RBMS3: variants seen among roughly 807,000 people sequenced by gnomAD.
RBMS3 encodes the protein RNA-binding motif, single-stranded-interacting protein 3.
A neutral mutation model predicts 66.8 loss-of-function variants in RBMS3; 27 were observed. That is an observed-to-expected ratio of 0.40 (90% CI 0.30 to 0.56). The LOEUF (loss-of-function observed/expected upper bound fraction) is 0.56, where lower values mean the gene tolerates loss of function less well. Ranked by LOEUF, RBMS3 falls within the 20% of genes least tolerant of loss-of-function variation. RBMS3 has a pLI of 0.40. For synonymous variants in RBMS3, 188 were observed against 183.0 expected (o/e 1.03, Z -0.22); for missense variants, 513 against 549.5 (o/e 0.93, Z 0.66).
chr3:29,590,992 T>A lies in RBMS3; in HGVS notation c.399+3787T>A, dbSNP rs1409788632. 3.3e-5 allele frequency among the ~76,000 whole-genome samples: 5 copies of A among 152,270 alleles called. No individual in the cohort carries two copies. In the South Asian group the frequency reaches 8.3e-4, roughly 25 times the overall value. On this transcript the variant is annotated intron_variant, in intron 4 of 14. Transcript: ENST00000383767. Reference sequence around the variant, plus strand: ...GAGCAGTATGGCTGATTTTGTCCTTTTAAAGGTTTTTCCAGAATCTCAAAT... The same window carrying A: ...GAGCAGTATGGCTGATTTTGTCCTTATAAAGGTTTTTCCAGAATCTCAAAT...
Position 29,837,679 on chromosome 3 carries a change from TA to T in RBMS3, c.638-31178del, listed in dbSNP as rs972548833. Among the ~76,000 whole-genome samples the T allele has an allele frequency of 8.6e-5, 8 of 93,046 alleles. No individual in the cohort carries two copies. The Admixed American group carries it at 9.1e-4, about 11-fold the overall frequency. The allele number at this position is 93,046 out of a possible 152,430, so 61.0% of individuals were successfully genotyped here. ...TATAATGAACATATATATATATATA[TA>T]TATATATATATATATATATATATAT... is the stretch of plus-strand genomic sequence containing the variant. On this transcript the variant is annotated intron_variant, in intron 6 of 14. Coordinates refer to ENST00000383767, the MANE Select transcript of RBMS3 (RefSeq NM_001003793.3).
Position 29,888,632 on chromosome 3 carries a change from G to A in RBMS3, c.791+4424G>A, listed in dbSNP as rs531144716. On this transcript the variant is annotated intron_variant, in intron 8 of 14. Coordinates refer to ENST00000383767, the MANE Select transcript of RBMS3 (RefSeq NM_001003793.3). ...AATGACCTGTGGTTCTAGCTTACTA[G>A]GTACTGCTACTATGTCATTGTCCCA... Among the ~76,000 whole-genome samples the A allele has an allele frequency of 3.8e-4, 58 of 151,748 alleles. No homozygotes were observed. In the South Asian group the frequency reaches 0.012, roughly 32 times the overall value.
intron 5 of RBMS3, among the ~76,000 whole-genome samples, chr3:29,757,002 A>G (rs991754320): frequency 9.9e-5 from 15 of 152,054 alleles, no homozygotes; most frequent in African/African-American, 3.6e-4. Flanking sequence ...GGTTTGATTA[A>G]TTAAATCATT....
intron 6 of RBMS3, among the ~76,000 whole-genome samples, chr3:29,859,837 G>C (rs1016705920): frequency 1.3e-5 from 2 of 152,116 alleles, no homozygotes; most frequent in East Asian, 1.9e-4. Context: ...AAGCTTGCCA[G>C]CTCTATATCT....
intron 1 of RBMS3, among the ~76,000 whole-genome samples, chr3:29,349,163 A>AT (rs911875864): frequency 6.6e-6 from 1 of 151,982 alleles, no homozygotes; most frequent in African/African-American, 2.4e-5. Context: ...TTGATGATAG[A>AT]TTTTTCTCCA....
intron 2 of RBMS3, among the ~76,000 whole-genome samples, chr3:29,471,557 A>G (rs772844569): frequency 1.3e-5 from 2 of 152,166 alleles, no homozygotes; most frequent in African/African-American, 2.4e-5. Flanking sequence ...ACCACAACCT[A>G]TAATCCAATT....
intron 4 of RBMS3, among the ~76,000 whole-genome samples, chr3:29,626,626 T>C (rs2049070109): frequency 6.6e-6 from 1 of 152,102 alleles, no homozygotes; most frequent in Non-Finnish European, 1.5e-5. Flanking sequence ...AGCAATAAAA[T>C]GGGAATATAC....
At chr3:29,514,940 C>A (rs926826783) in intron 3 of RBMS3, among the ~76,000 whole-genome samples, 5 of 151,868 alleles carry the variant, frequency 3.3e-5, no homozygotes, top group African/African-American at 1.2e-4. Flanking sequence ...AGAGGCCCTT[C>A]GAGGTAGATG....
intron 4 of RBMS3, among the ~76,000 whole-genome samples, chr3:29,653,009 T>G (rs1576444935): frequency 2.0e-5 from 3 of 152,248 alleles, no homozygotes; most frequent in South Asian, 4.1e-4. Context: ...ATAGTCAAAT[T>G]CCAAATAAGC....
chr3:29,475,430 C>T (rs559568261), intron 2 of RBMS3, among the ~76,000 whole-genome samples: 4 of 151,780 alleles, frequency 2.6e-5, no homozygotes, highest in Non-Finnish European at 4.4e-5. Context: ...TTGTAGTTTT[C>T]GTAGGGATGG....
At chr3:29,333,768 T>C (rs1239000540) in intron 1 of RBMS3, among the ~76,000 whole-genome samples, 2 of 152,196 alleles carry the variant, frequency 1.3e-5, no homozygotes, top group African/African-American at 2.4e-5. Context: ...AGAACAGGGA[T>C]GCAAAGTTGT....
At chr3:29,755,885 A>G (rs941454139) in intron 5 of RBMS3, among the ~76,000 whole-genome samples, 1 of 152,216 alleles carries the variant, frequency 6.6e-6, no homozygotes. Flanking sequence ...AGAGCAGGAC[A>G]GAGAGGACAT....
rs142667950 is a variant in RBMS3, at chr3:29,393,252, G to A, written c.76-41491G>A. ...GATTCTGAGAGTTTAAAAAATGCAT[G>A]GGACTACCTGCCAGGAACTCATGGT... On this transcript the variant is annotated intron_variant, in intron 1 of 14. Coordinates refer to ENST00000383767, the MANE Select transcript of RBMS3 (RefSeq NM_001003793.3). 2.5e-3 allele frequency among the ~76,000 whole-genome samples: 378 copies of A among 152,186 alleles called. 1 individual carries two copies. The highest frequency in any genetic ancestry group is 3.4e-3 in the Non-Finnish European group (232 of 68,018).
chr3:29,296,271 A>G (rs1204202204), intron 1 of RBMS3, among the ~76,000 whole-genome samples: 1 of 151,868 alleles, frequency 6.6e-6, no homozygotes, highest in African/African-American at 2.4e-5. Context: ...ACTCTTCCTA[A>G]TAAATTTCAA....
chr3:29,693,108 T>C (rs561705105), intron 4 of RBMS3, among the ~76,000 whole-genome samples: 1 of 152,192 alleles, frequency 6.6e-6, no homozygotes, highest in East Asian at 1.9e-4. Context: ...TTTACTGAGA[T>C]ACTTTTCTCT....
Position 29,936,164 on chromosome 3 carries a change from A to T in RBMS3, c.1018A>T (p.Met340Leu). The change falls in exon 11 of 15, where the codon ATG becomes TTG. Residue 340 changes from methionine (M) to leucine (L), a missense_variant. Met to Leu is a conservative substitution (Grantham distance 15). Transcript: ENST00000383767. Reference protein sequence around the residue: ...ANMMGPLTQQMNHLSLGTTGT... With the variant: ...ANMMGPLTQQLNHLSLGTTGT... ...CATGATGGGCCCACTGACACAGCAGATGAATCACCTTTCGTTGGGCACAAC... is the reference window on the plus strand; with the variant it reads ...CATGATGGGCCCACTGACACAGCAGTTGAATCACCTTTCGTTGGGCACAAC... 9 of 1,613,274 alleles carry T rather than the reference A, an allele frequency of 5.6e-6. No homozygotes were observed. The highest frequency in any genetic ancestry group is 7.6e-6 in the Non-Finnish European group (9 of 1,179,512).
intron 2 of RBMS3, among the ~76,000 whole-genome samples, chr3:29,485,136 C>T (rs2043274446): frequency 6.6e-6 from 1 of 152,076 alleles, no homozygotes; most frequent in South Asian, 2.1e-4. Flanking sequence ...TTAAATTAGG[C>T]TTGTATGTGG....
At position 29,964,822 on chromosome 3, in the gene RBMS3, C is replaced by T. The variant is rs535501426; in HGVS notation, c.1098+20568C>T. Among the ~76,000 whole-genome samples the T allele has an allele frequency of 1.0e-3, 156 of 152,196 alleles. 1 individual carries two copies. Among genetic ancestry groups the T allele is most frequent in the South Asian group, 2.1e-3 (10 of 4,820 alleles). The stretch of plus-strand genomic sequence containing the variant: ...GTGAAATTTTGGTGCACCCATCACC[C>T]TAGCAGTATACACTGCACCATATTT... On this transcript the variant is annotated intron_variant, in intron 12 of 14. Transcript: ENST00000383767.
intron 1 of RBMS3, among the ~76,000 whole-genome samples, chr3:29,427,179 A>AT (rs746417762): frequency 6.6e-6 from 1 of 152,184 alleles, no homozygotes; most frequent in Non-Finnish European, 1.5e-5. Flanking sequence ...AGTAGGACAG[A>AT]TTTTCACCAA....
Sources: allele counts gnomAD v4.1 joint callset (sites outside exome capture counted in the v4.1 genomes callset), GRCh38; gene constraint gnomAD v4.1.1; transcripts MANE v1.5; gene names NCBI Gene and HGNC (gene_info 2026-07-23, HGNC 2026-07-21).